Variants in NPC2 observed in about 807,000 individuals in gnomAD.
NPC2 encodes Niemann-Pick disease type C2 protein.
In NPC2, 14 loss-of-function variants were observed where a neutral mutation model predicts 17.0. The ratio of observed to expected loss-of-function variants is 0.82; its 90% CI spans 0.54 to 1.29. The LOEUF (loss-of-function observed/expected upper bound fraction) is 1.29, where lower values mean the gene tolerates loss of function less well. Among genes scored for constraint, NPC2 ranks in the 50% most tolerant of loss-of-function variants. The pLI is 0.00. For synonymous variants in NPC2, 75 were observed against 69.3 expected (o/e 1.08, Z -0.41); for missense variants, 167 against 183.4 (o/e 0.91, Z 0.52).
chr14:74,485,294 C>CAAAAAAAAAAAAAAAAAAAAAAAAAA (rs61395005), intron 2 of NPC2, among the ~76,000 whole-genome samples: 3 of 71,332 alleles, frequency 4.2e-5, no homozygotes, highest in African/African-American at 7.7e-5. Flanking sequence ...GACTCTGTCA[C>CAAAAAAAAAAAAAAAAAAAAAAAAAA]AAAAAAAAAA....
chr14:74,489,590 C>A (rs2086749820), intron 1 of NPC2, among the ~76,000 whole-genome samples: 1 of 152,072 alleles, frequency 6.6e-6, no homozygotes, highest in Admixed American at 6.6e-5. Flanking sequence ...CTCAGTCTAA[C>A]CAAGGACAAA....
chr14:74,487,415 T>A (rs1443413476), intron 1 of NPC2, among the ~76,000 whole-genome samples: 3 of 151,898 alleles, frequency 2.0e-5, no homozygotes, highest in Admixed American at 2.0e-4. Flanking sequence ...ACAATAGGCA[T>A]GCACCACCAC....
At chr14:74,487,414 A>G (rs1279388958) in intron 1 of NPC2, among the ~76,000 whole-genome samples, 1 of 151,500 alleles carries the variant, frequency 6.6e-6, no homozygotes, top group Admixed American at 6.6e-5. Flanking sequence ...AACAATAGGC[A>G]TGCACCACCA....
In NPC2 at chr14:74,484,528, G is replaced by C; in HGVS notation, c.250C>G (p.Pro84Ala). The stretch of plus-strand genomic sequence containing the variant: ...CCATCAGGCTCAGGAATGGGAAAGG[G>C]AACTGGGACGCCCATCAGGATGCCA... ...VHGILMGVPV[P>A]FPIPEPDGCK... The change falls in exon 3 of 5, where the codon CCC (proline) becomes GCC (alanine). Residue 84 changes from proline to alanine, a missense_variant. Coordinates refer to ENST00000555619, the MANE Select transcript of NPC2 (RefSeq NM_006432.5). 4 of 1,614,122 alleles carry C rather than the reference G, an allele frequency of 2.5e-6. No individual in the cohort carries two copies. Among genetic ancestry groups the C allele is most frequent in the Non-Finnish European group, 3.4e-6 (4 of 1,180,010 alleles).
chr14:74,484,342 T>C, intron 3 of NPC2, 73 bp downstream of exon 3: 1 of 1,522,916 alleles, frequency 6.6e-7, no homozygotes, highest in Non-Finnish European at 9.1e-7. Flanking sequence ...CCATCTCTGC[T>C]TCTTGCCCAC....
At chr14:74,483,076 G>A in intron 3 of NPC2, 1 of 1,316,338 alleles carries the variant, frequency 7.6e-7, no homozygotes. Context: ...CCCAACGATA[G>A]AAGATTCCTA....
At chr14:74,483,125 T>C in intron 3 of NPC2, 1 of 934,824 alleles carries the variant, frequency 1.1e-6, no homozygotes, top group East Asian at 2.4e-5. Flanking sequence ...CAGTGTATGC[T>C]TAAAATCCTA....
chr14:74,480,632 T>C (rs1447449108), intron 4 of NPC2, 70 bp downstream of exon 4: 1 of 1,243,388 alleles, frequency 8.0e-7, no homozygotes, highest in African/African-American at 1.5e-5. Context: ...GGCACTGATT[T>C]AGTTTCAGTC....
Position 74,493,044 on chromosome 14 carries a change from C to G in NPC2, c.82+149G>C, listed in dbSNP as rs532919850. On this transcript the variant is annotated intron_variant, in intron 1 of 4. Transcript: ENST00000555619. This position sits in a 1 kb window ranked among gnomAD's most constrained non-coding sequence, Gnocchi z 4.1. ...TCATGGAGGCCGGCGCCTTCTCCCC[C>G]GACCCAGCCCATTCCAGTTAGGTAG... is the stretch of plus-strand genomic sequence containing the variant. 2 of 994,914 alleles carry G rather than the reference C, an allele frequency of 2.0e-6. No homozygotes were observed. The highest frequency in any genetic ancestry group is 5.3e-5 in the East Asian group (2 of 37,824). The allele number at this position is 994,914 out of a possible 1,614,324, so 61.6% of individuals were successfully genotyped here. A position where few individuals can be genotyped will look rare whatever the true frequency, so the allele number is the denominator to read the frequency against.
At chr14:74,490,152 G>C (rs1566604622) in intron 1 of NPC2, among the ~76,000 whole-genome samples, 1 of 152,202 alleles carries the variant, frequency 6.6e-6, no homozygotes, top group Non-Finnish European at 1.5e-5. Flanking sequence ...ACTGCAGGTT[G>C]AGAGTACATT....
rs781450917 is a variant in NPC2, at chr14:74,480,688, C to A, written c.441+14G>T. 1 of 1,610,224 alleles carries A rather than the reference C, an allele frequency of 6.2e-7. No individual in the cohort carries two copies. The highest frequency in any genetic ancestry group is 1.1e-5 in the South Asian group (1 of 90,982). On this transcript the variant is annotated intron_variant, in intron 4 of 4. Transcript: ENST00000555619. ...TCCCTCCACCCATGCCCTCTCACCC[C>A]CAGATAGACTTACGATCTGTACTGG...
intron 3 of NPC2, 49 bp downstream of exon 3, chr14:74,484,366 C>T (rs1207275577): frequency 1.2e-6 from 2 of 1,602,282 alleles, no homozygotes; most frequent in South Asian, 2.2e-5. Context: ...CCTCAGAACT[C>T]TAATCCAGTC....
At position 74,480,190 on chromosome 14, in the gene NPC2, C is replaced by T. The variant is rs2086640598; in HGVS notation, c.*84G>A. Reference sequence around the variant, plus strand: ...CTGGATACCATTGGAGAGCAAGTCACTGTTGTTGAAGCAGCAGAGCTGGAG... The same window carrying T: ...CTGGATACCATTGGAGAGCAAGTCATTGTTGTTGAAGCAGCAGAGCTGGAG... On this transcript the variant is annotated 3_prime_UTR_variant, in exon 5 of 5. Transcript: ENST00000555619. 1 of 1,613,542 alleles carries T rather than the reference C, an allele frequency of 6.2e-7. No individual in the cohort carries two copies. Among genetic ancestry groups the T allele is most frequent in the Admixed American group, 1.7e-5 (1 of 59,962 alleles).
chr14:74,484,202 A>G (rs1429363370), intron 3 of NPC2, among the ~76,000 whole-genome samples: 1 of 152,228 alleles, frequency 6.6e-6, no homozygotes, highest in Non-Finnish European at 1.5e-5. Context: ...CAGGCTAACC[A>G]TCAGGTCATA....
intron 1 of NPC2, among the ~76,000 whole-genome samples, chr14:74,489,417 G>T (rs887016711): frequency 6.6e-6 from 1 of 152,156 alleles, no homozygotes; most frequent in Non-Finnish European, 1.5e-5. Flanking sequence ...TTTAAGAAAA[G>T]AAATTGGATT....
intron 1 of NPC2, among the ~76,000 whole-genome samples, chr14:74,490,216 G>A (rs117409005): frequency 0.053 from 8,043 of 152,280 alleles, 305 homozygotes; most frequent in Non-Finnish European, 0.078. Context: ...AGTATGATAT[G>A]AACTCAGAAA....
At chr14:74,491,823 G>A (rs999305779) in intron 1 of NPC2, among the ~76,000 whole-genome samples, 5 of 152,128 alleles carry the variant, frequency 3.3e-5, no homozygotes, top group Non-Finnish European at 7.4e-5. Context: ...GGAATTTATA[G>A]TTTAAACTCT....
At chr14:74,492,105 G>C (rs1197718078) in intron 1 of NPC2, among the ~76,000 whole-genome samples, 1 of 152,020 alleles carries the variant, frequency 6.6e-6, no homozygotes, top group Non-Finnish European at 1.5e-5. Flanking sequence ...ACTCTCCTAT[G>C]ATTTTATCTT....
intron 3 of NPC2, chr14:74,483,412 T>C (rs2086675902): frequency 1.3e-6 from 2 of 1,496,406 alleles, no homozygotes; most frequent in African/African-American, 1.4e-5. Flanking sequence ...CAAAGGTCAA[T>C]GTTAATGAAA....
Sources: allele counts gnomAD v4.1 joint callset (sites outside exome capture counted in the v4.1 genomes callset), GRCh38; gene constraint gnomAD v4.1.1; non-coding constraint Gnocchi (gnomAD v3.1); transcripts MANE v1.5; gene names NCBI Gene and HGNC (gene_info 2026-07-23, HGNC 2026-07-21).